The following ADK variants were observed in gnomAD, a reference collection of about 807,000 sequenced individuals.
The protein encoded by ADK is N6,N6-dimethyladenosine kinase.
In ADK, 24 loss-of-function variants were observed where a neutral mutation model predicts 44.7. The ratio of observed to expected loss-of-function variants is 0.54; its 90% confidence interval spans 0.39 to 0.76. ADK has a LOEUF of 0.76. Among genes scored for constraint, ADK ranks in the 30% least tolerant of loss-of-function variants. The pLI, the probability that ADK is intolerant of heterozygous loss-of-function variation, is 0.00. For missense variants in ADK, 321 were observed against 425.1 expected (o/e 0.76, Z 2.15); for synonymous variants, 128 against 142.6 (o/e 0.90, Z 0.73).
intron 9 of ADK, among the ~76,000 whole-genome samples, chr10:74,621,352 G>A (rs1457468119): frequency 1.3e-5 from 2 of 152,044 alleles, no homozygotes; most frequent in African/African-American, 4.8e-5. Context: ...ACTATTCTTG[G>A]TGCTTTTGTC....
intron 2 of ADK, among the ~76,000 whole-genome samples, chr10:74,216,321 G>A (rs1844015807): frequency 6.6e-6 from 1 of 152,044 alleles, no homozygotes; most frequent in Non-Finnish European, 1.5e-5. Flanking sequence ...AATAACAAAT[G>A]TATTAAAATG....
intron 10 of ADK, among the ~76,000 whole-genome samples, chr10:74,690,677 ACCCAG>A (rs1855961438): frequency 6.6e-6 from 1 of 152,134 alleles, no homozygotes; most frequent in African/African-American, 2.4e-5. Context: ...TTCATTCAAC[ACCCAG>A]CTCATGTCAC....
intron 8 of ADK, among the ~76,000 whole-genome samples, chr10:74,591,243 T>C (rs1021195978): frequency 7.9e-5 from 12 of 152,160 alleles, no homozygotes; most frequent in Admixed American, 7.9e-4. Flanking sequence ...ACTTACTGAT[T>C]CTTGAATTGT....
chr10:74,273,048 G>A (rs759093545), intron 3 of ADK, among the ~76,000 whole-genome samples: 1 of 152,136 alleles, frequency 6.6e-6, no homozygotes, highest in Non-Finnish European at 1.5e-5. Flanking sequence ...CAGGAGTTGT[G>A]AAGTTTGAGT....
intron 6 of ADK, among the ~76,000 whole-genome samples, chr10:74,474,860 G>T (rs1041106457): frequency 6.6e-6 from 1 of 152,188 alleles, no homozygotes; most frequent in Non-Finnish European, 1.5e-5. Context: ...TGGTGCGGAG[G>T]CTCACGCCTG....
At chr10:74,596,150 A>AT (rs1409580507) in intron 8 of ADK, among the ~76,000 whole-genome samples, 7 of 151,794 alleles carry the variant, frequency 4.6e-5, no homozygotes, top group East Asian at 1.9e-4. Flanking sequence ...TAGTTTTGTG[A>AT]TAAAAAAAAA....
chr10:74,226,610 A>G (rs910005559), intron 3 of ADK, among the ~76,000 whole-genome samples: 5 of 151,582 alleles, frequency 3.3e-5, no homozygotes, highest in Admixed American at 2.6e-4. Context: ...ATTTCAACAC[A>G]TATACCATTA....
At position 74,449,783 on chromosome 10, in the gene ADK, G is replaced by C. The variant is rs563141812; in HGVS notation, c.555+51204G>C. 2.6e-5 allele frequency among the ~76,000 whole-genome samples: 4 copies of C among 152,242 alleles called. No homozygotes were observed. In the South Asian group the frequency reaches 8.3e-4, roughly 32 times the overall value. ...TAAGAGAGTAAGAAATGATGATCTC[G>C]AGAATACTAGACTGTGAGCTTTCTA... On this transcript the variant is annotated intron_variant, in intron 6 of 10. Transcript: ENST00000539909.
chr10:74,632,949 A>G (rs1268252189), intron 9 of ADK, among the ~76,000 whole-genome samples: 1 of 152,060 alleles, frequency 6.6e-6, no homozygotes, highest in Non-Finnish European at 1.5e-5. Context: ...TCAGTTTATA[A>G]TATATTCTGG....
Position 74,224,654 on chromosome 10 carries a change from A to T in ADK, c.194+63A>T, listed in dbSNP as rs561437086. The T allele has an allele frequency of 3.0e-6, 4 of 1,315,116 alleles. No homozygotes were observed. In the South Asian group the frequency reaches 4.8e-5, roughly 16 times the overall value. 81.5% of individuals were successfully genotyped at this position (1,315,116 alleles called of 1,614,324 possible). A position where few individuals can be genotyped will look rare whatever the true frequency, so the allele number is the denominator to read the frequency against. On this transcript the variant is annotated intron_variant, in intron 3 of 10. Transcript: ENST00000539909. ...CTGTCTATGAACTTGATATATGTAT[A>T]TGTAAATTATCTGATTTTCAAAATT...
At chr10:74,229,929 C>T (rs1844690037) in intron 3 of ADK, among the ~76,000 whole-genome samples, 1 of 151,906 alleles carries the variant, frequency 6.6e-6, no homozygotes. Flanking sequence ...GTCCCAGCTA[C>T]TTGGGAGACT....
At chr10:74,539,181 T>C (rs2133717074) in intron 7 of ADK, among the ~76,000 whole-genome samples, 1 of 152,240 alleles carries the variant, frequency 6.6e-6, no homozygotes, top group East Asian at 1.9e-4. Flanking sequence ...TCAAGTCTAG[T>C]TCTTTTATTT....
intron 3 of ADK, among the ~76,000 whole-genome samples, chr10:74,273,905 A>G (rs1054981986): frequency 1.6e-4 from 24 of 152,256 alleles, no homozygotes; most frequent in African/African-American, 5.8e-4. Flanking sequence ...AGTTCTATGC[A>G]ATTTTTTTTG....
At chr10:74,269,080 G>T (rs928976989) in intron 3 of ADK, among the ~76,000 whole-genome samples, 1 of 152,120 alleles carries the variant, frequency 6.6e-6, no homozygotes, top group Admixed American at 6.5e-5. Context: ...ATATTTAAAT[G>T]TAACATTAAT....
At chr10:74,636,900 T>A (rs1319733880) in intron 9 of ADK, among the ~76,000 whole-genome samples, 1 of 152,080 alleles carries the variant, frequency 6.6e-6, no homozygotes, top group East Asian at 1.9e-4. Context: ...CATGGTGAAT[T>A]GGGGGACATA....
chr10:74,254,467 CT>C (rs201813558), intron 3 of ADK, among the ~76,000 whole-genome samples: 1,804 of 151,624 alleles, frequency 0.012, 33 homozygotes, highest in African/African-American at 0.041. Context: ...AGATATGCCT[CT>C]TTTTTTTATT....
Position 74,594,200 on chromosome 10 carries a change from G to GT in ADK, c.762+4883_762+4884insT, listed in dbSNP as rs1851817208. On this transcript the variant is annotated intron_variant, in intron 8 of 10. Coordinates refer to ENST00000539909, the MANE Select transcript of ADK (RefSeq NM_006721.4). The stretch of plus-strand genomic sequence containing the variant: ...GGGGCCTGTTGTGGGGTGGGGGGTT[G>GT]GGGAGGGATATCATCAGGAGAAATA... 2.0e-5 allele frequency among the ~76,000 whole-genome samples: 3 copies of GT among 151,310 alleles called. No individual in the cohort carries two copies. In the South Asian group the frequency reaches 6.3e-4, roughly 32 times the overall value.
intron 6 of ADK, among the ~76,000 whole-genome samples, chr10:74,434,912 G>T (rs1301835007): frequency 6.6e-6 from 1 of 152,186 alleles, no homozygotes; most frequent in Admixed American, 6.5e-5. Context: ...TTGAATGTTG[G>T]AGAGCACCTG....
intron 7 of ADK, chr10:74,527,474 A>G (rs981015962): frequency 1.1e-5 from 6 of 553,992 alleles, no homozygotes; most frequent in African/African-American, 9.4e-5. Flanking sequence ...TGGACTTTAT[A>G]GTCACAAATG....
Sources: gnomAD v4.1 joint callset for allele counts (sites outside exome capture counted in the v4.1 genomes callset) on GRCh38, gnomAD v4.1.1 for gene constraint, MANE v1.5 for transcripts, NCBI Gene and HGNC (gene_info 2026-07-23, HGNC 2026-07-21) for gene names.